The following NR6A1 variants were observed in gnomAD, a reference collection of about 807,000 sequenced individuals.
The protein encoded by NR6A1 is nuclear receptor subfamily 6 group A member 1.
NR6A1 carries 7 observed loss-of-function variants against 59.1 expected under a neutral mutation model. That is an observed-to-expected ratio of 0.12 (90% CI 0.07 to 0.22). The LOEUF (loss-of-function observed/expected upper bound fraction) is 0.22. NR6A1 is among the 10% of genes least tolerant of loss of function. The pLI is 1.00. For missense variants in NR6A1, 468 were observed against 611.6 expected (o/e 0.77, Z 2.48); for synonymous variants, 243 against 236.1 (o/e 1.03, Z -0.27).
chr9:124,573,716 G>A (rs1269948552), intron 2 of NR6A1, among the ~76,000 whole-genome samples: 1 of 152,176 alleles, frequency 6.6e-6, no homozygotes, highest in African/African-American at 2.4e-5. Context: ...TAATCTATAG[G>A]AGAGGAGAAT....
chr9:124,666,922 G>A (rs1002243721), intron 2 of NR6A1, among the ~76,000 whole-genome samples: 7 of 152,120 alleles, frequency 4.6e-5, no homozygotes, highest in Admixed American at 2.0e-4. Context: ...ACTTTATAGG[G>A]CTGTTGTAAG....
intron 2 of NR6A1, among the ~76,000 whole-genome samples, chr9:124,672,518 G>A (rs1837826352): frequency 6.6e-6 from 1 of 152,084 alleles, no homozygotes; most frequent in South Asian, 2.1e-4. Context: ...GGGAGGCTGA[G>A]GCAGGAGAAT....
intron 2 of NR6A1, among the ~76,000 whole-genome samples, chr9:124,572,747 G>A (rs115059631): frequency 8.5e-4 from 130 of 152,252 alleles, no homozygotes; most frequent in African/African-American, 2.8e-3. Flanking sequence ...AATTCGTAAG[G>A]GCAAGCTATA....
At chr9:124,591,989 G>A (rs1011335791) in intron 2 of NR6A1, among the ~76,000 whole-genome samples, 6 of 152,068 alleles carry the variant, frequency 3.9e-5, no homozygotes, top group African/African-American at 9.7e-5. Flanking sequence ...TAATTTCCTC[G>A]GCTTAAAAAG....
At chr9:124,738,448 A>C (rs186651479) in intron 1 of NR6A1, among the ~76,000 whole-genome samples, 57 of 152,332 alleles carry the variant, frequency 3.7e-4, no homozygotes, top group African/African-American at 1.3e-3. Flanking sequence ...GAAAAGAGAG[A>C]CAAGAAACAG....
intron 2 of NR6A1, among the ~76,000 whole-genome samples, chr9:124,562,228 G>C (rs1834104099): frequency 6.6e-6 from 1 of 152,200 alleles, no homozygotes; most frequent in Non-Finnish European, 1.5e-5. Context: ...CTGCACAGAA[G>C]TAGCCACAAA....
At chr9:124,682,846 G>C (rs1838210279) in intron 2 of NR6A1, among the ~76,000 whole-genome samples, 1 of 152,110 alleles carries the variant, frequency 6.6e-6, no homozygotes. Flanking sequence ...GATTCTGTTT[G>C]GTTTGGGCTG....
chr9:124,612,746 C>A (rs1345358188), intron 2 of NR6A1, among the ~76,000 whole-genome samples: 1 of 152,112 alleles, frequency 6.6e-6, no homozygotes, highest in African/African-American at 2.4e-5. Flanking sequence ...CCCCATATAT[C>A]CTATCAATGT....
At chr9:124,558,894 A>G (rs960969519) in intron 2 of NR6A1, among the ~76,000 whole-genome samples, 1 of 152,204 alleles carries the variant, frequency 6.6e-6, no homozygotes, top group Non-Finnish European at 1.5e-5. Flanking sequence ...AACAAACTGA[A>G]GCAAATGCCC....
intron 2 of NR6A1, among the ~76,000 whole-genome samples, chr9:124,601,827 C>G (rs1478189886): frequency 6.6e-6 from 1 of 151,556 alleles, no homozygotes; most frequent in African/African-American, 2.4e-5. Flanking sequence ...TATGGTGGCA[C>G]ACGCCTGAAG....
chr9:124,629,550 G>A (rs1230332923), intron 2 of NR6A1, among the ~76,000 whole-genome samples: 1 of 152,148 alleles, frequency 6.6e-6, no homozygotes, highest in Non-Finnish European at 1.5e-5. Flanking sequence ...TATCCAAGTG[G>A]GCAGAGCTAG....
chr9:124,707,017 G>A lies in NR6A1; in HGVS notation c.142+26291C>T, dbSNP rs183372325. ...CTGATGTGTGTTTATCATACTTGGCGTTTATTAGGCTTAAATCTGTAGATT... is the reference window on the plus strand; with the variant it reads ...CTGATGTGTGTTTATCATACTTGGCATTTATTAGGCTTAAATCTGTAGATT... On this transcript the variant is annotated intron_variant, in intron 2 of 9. Coordinates refer to ENST00000487099, the MANE Select transcript of NR6A1 (RefSeq NM_033334.4). 5.0e-3 allele frequency among the ~76,000 whole-genome samples: 766 copies of A among 152,028 alleles called. 3 individuals carry two copies. Among genetic ancestry groups the A allele is most frequent in the African/African-American group, 0.017 (720 of 41,452 alleles).
intron 2 of NR6A1, among the ~76,000 whole-genome samples, chr9:124,586,445 A>ATT (rs111374183): frequency 6.3e-5 from 9 of 143,894 alleles, no homozygotes; most frequent in African/African-American, 1.8e-4. Context: ...TTGCATGATA[A>ATT]TTTTTTTTTT....
chr9:124,590,092 C>CAAAAAAAAAAAAA (rs1327869115), intron 2 of NR6A1, among the ~76,000 whole-genome samples: 16 of 64,808 alleles, frequency 2.5e-4, no homozygotes, highest in African/African-American at 7.6e-4. Context: ...AAAAAAAAAG[C>CAAAAAAAAAAAAA]AAAGCTAGTC....
intron 1 of NR6A1, among the ~76,000 whole-genome samples, chr9:124,745,010 C>A (rs1840284456): frequency 6.6e-6 from 1 of 152,154 alleles, no homozygotes; most frequent in African/African-American, 2.4e-5. Flanking sequence ...AAATGTTTAT[C>A]CCTCTGGATC....
At chr9:124,694,811 C>T (rs1236285047) in intron 2 of NR6A1, among the ~76,000 whole-genome samples, 12 of 152,098 alleles carry the variant, frequency 7.9e-5, no homozygotes, top group African/African-American at 2.7e-4. Context: ...CAAGGCTTTC[C>T]TGTCAAATTA....
intron 6 of NR6A1, among the ~76,000 whole-genome samples, chr9:124,536,568 G>A (rs1392746164): frequency 6.6e-6 from 1 of 151,954 alleles, no homozygotes; most frequent in African/African-American, 2.4e-5. Flanking sequence ...CTGAGGCAGA[G>A]GCAGAAGAAT....
rs567524356 is a variant in NR6A1 at position 124,651,063 on chromosome 9, T to C, written c.142+82245A>G. ...TGAATTGGGTTACTAGCTCTTTTTGTTTTTCTTTTTGAGACAGAGTCTCAC... is the reference window on the plus strand; with the variant it reads ...TGAATTGGGTTACTAGCTCTTTTTGCTTTTCTTTTTGAGACAGAGTCTCAC... On this transcript the variant is annotated intron_variant, in intron 2 of 9. Transcript: ENST00000487099. Among the ~76,000 whole-genome samples the C allele has an allele frequency of 1.8e-4, 28 of 152,148 alleles. 1 individual carries two copies. In the East Asian group the frequency reaches 5.4e-3, roughly 29 times the overall value.
intron 2 of NR6A1, among the ~76,000 whole-genome samples, chr9:124,646,134 A>G (rs1230014023): frequency 6.6e-6 from 1 of 152,224 alleles, no homozygotes; most frequent in Non-Finnish European, 1.5e-5. Context: ...GGAAAGTTAC[A>G]GCACTGAATG....
Sources: gnomAD v4.1 joint callset for allele counts (sites outside exome capture counted in the v4.1 genomes callset) on GRCh38, gnomAD v4.1.1 for gene constraint, MANE v1.5 for transcripts, NCBI Gene and HGNC (gene_info 2026-07-23, HGNC 2026-07-21) for gene names.